The following TNNI3K variants were observed in gnomAD, a reference collection of about 807,000 sequenced individuals.
TNNI3K encodes TNNI3 interacting kinase, also known as serine/threonine-protein kinase TNNI3K.
Under a neutral mutation model 114.5 loss-of-function variants are expected in TNNI3K, and 140 were observed. The observed-to-expected ratio is 1.22, with a 90% CI of 1.07 to 1.41. The LOEUF (loss-of-function observed/expected upper bound fraction) is 1.41, where lower values mean the gene tolerates loss of function less well. Among genes scored for constraint, TNNI3K ranks in the 40% most tolerant of loss-of-function variants. The pLI, the probability that TNNI3K is intolerant of heterozygous loss-of-function variation, is 0.00. For synonymous variants in TNNI3K, 347 were observed against 347.5 expected (o/e 1.00, Z 0.02); for missense variants, 1,125 against 1,007.6 (o/e 1.12, Z -1.58).
chr1:74,501,882 A>G (rs1326591985), intron 23 of TNNI3K, among the ~76,000 whole-genome samples: 1 of 152,108 alleles, frequency 6.6e-6, no homozygotes, highest in Non-Finnish European at 1.5e-5. Context: ...GGTTATATAT[A>G]TATATATACA....
intron 23 of TNNI3K, among the ~76,000 whole-genome samples, chr1:74,523,144 C>G (rs1646457078): frequency 6.6e-6 from 1 of 152,162 alleles, no homozygotes; most frequent in Non-Finnish European, 1.5e-5. Flanking sequence ...GACCAATTTG[C>G]CCTCAGTTTC....
At chr1:74,296,989 G>A (rs1347896070) in intron 5 of TNNI3K, among the ~76,000 whole-genome samples, 1 of 151,982 alleles carries the variant, frequency 6.6e-6, no homozygotes, top group Non-Finnish European at 1.5e-5. Flanking sequence ...AATCCCTCAG[G>A]CATTTCTTCA....
chr1:74,416,607 C>G, intron 17 of TNNI3K: 1 of 951,014 alleles, frequency 1.1e-6, no homozygotes, highest in Non-Finnish European at 1.3e-6. Flanking sequence ...GTTTCCCCTT[C>G]CTCTTCTATT....
At position 74,475,272 on chromosome 1, in the gene TNNI3K, T is replaced by C. The variant is rs45627331; in HGVS notation, c.2121+11722T>C. ...CAAAAAGAATTAAACGGAGTGGGAT[T>C]TTCTAAAACAAGACAAACTCACCTT... On this transcript the variant is annotated intron_variant, in intron 21 of 24. Coordinates refer to ENST00000326637, the MANE Select transcript of TNNI3K (RefSeq NM_015978.3). 2.6e-3 allele frequency: 1,637 copies of C among 625,682 alleles called. 27 individuals carry two copies. The African/African-American group carries it at 0.028, about 11-fold the overall frequency. The allele number at this position is 625,682 out of a possible 1,614,324, so 38.8% of individuals were successfully genotyped here.
intron 5 of TNNI3K, among the ~76,000 whole-genome samples, chr1:74,293,639 G>A (rs1657807235): frequency 6.6e-6 from 1 of 151,394 alleles, no homozygotes; most frequent in Non-Finnish European, 1.5e-5. Context: ...GGAATGATTC[G>A]ATTGCAAATA....
intron 11 of TNNI3K, among the ~76,000 whole-genome samples, chr1:74,355,594 C>T (rs952472805): frequency 1.8e-4 from 27 of 151,150 alleles, no homozygotes; most frequent in African/African-American, 6.4e-4. Context: ...CAGGGCGATA[C>T]TCCGTCTCAA....
chr1:74,428,524 A>G (rs1241102264), intron 17 of TNNI3K, among the ~76,000 whole-genome samples: 2 of 152,112 alleles, frequency 1.3e-5, no homozygotes, highest in Non-Finnish European at 2.9e-5. Context: ...TGATAAAATA[A>G]CGTCTAAAAA....
chr1:74,271,554 T>G, intron 4 of TNNI3K, 44 bp from the exon 5 acceptor site: 1 of 1,533,782 alleles, frequency 6.5e-7, no homozygotes, highest in Non-Finnish European at 8.8e-7. Context: ...CTTTTGAACC[T>G]GTTATTAGCA....
intron 17 of TNNI3K, among the ~76,000 whole-genome samples, chr1:74,427,618 A>G: frequency 1.3e-5 from 2 of 152,210 alleles, no homozygotes; most frequent in South Asian, 2.1e-4. Flanking sequence ...TTTAAATTTA[A>G]AAAAACAAAT....
chr1:74,408,921 G>A lies in TNNI3K; in HGVS notation c.1773-27159G>A, dbSNP rs868431017. Among the ~76,000 whole-genome samples the A allele has an allele frequency of 1.3e-5, 2 of 151,178 alleles. 1 individual carries two copies. The highest frequency in any genetic ancestry group is 2.9e-5 in the Non-Finnish European group (2 of 67,864). On this transcript the variant is annotated intron_variant, in intron 17 of 24. Coordinates refer to ENST00000326637, the MANE Select transcript of TNNI3K (RefSeq NM_015978.3). ...CACACATATGCCTTAATTAGAAAAA[G>A]CTTTGTCTTCATTATGTATAAATGT...
At chr1:74,275,539 G>A (rs1456327997) in intron 5 of TNNI3K, among the ~76,000 whole-genome samples, 1 of 151,984 alleles carries the variant, frequency 6.6e-6, no homozygotes, top group Non-Finnish European at 1.5e-5. Context: ...AGTTAGGGAA[G>A]GAGTTATGAG....
intron 20 of TNNI3K, among the ~76,000 whole-genome samples, chr1:74,441,451 AT>A (rs1320647770): frequency 3.3e-5 from 5 of 152,060 alleles, no homozygotes; most frequent in Non-Finnish European, 5.9e-5. Context: ...AGTTCTTCTC[AT>A]TTTAGGGCTA....
intron 5 of TNNI3K, among the ~76,000 whole-genome samples, chr1:74,291,121 G>A (rs558706758): frequency 6.6e-6 from 1 of 151,654 alleles, no homozygotes; most frequent in Non-Finnish European, 1.5e-5. Flanking sequence ...GAGAACTTCT[G>A]ATTTCATATC....
chr1:74,272,649 A>C (rs1359392008), intron 5 of TNNI3K, among the ~76,000 whole-genome samples: 1 of 151,892 alleles, frequency 6.6e-6, no homozygotes, highest in Admixed American at 6.6e-5. Flanking sequence ...GCCAAATCAC[A>C]CAGTGTTTTA....
intron 23 of TNNI3K, among the ~76,000 whole-genome samples, chr1:74,535,393 G>A (rs1348981881): frequency 2.0e-5 from 3 of 152,132 alleles, no homozygotes; most frequent in African/African-American, 4.8e-5. Context: ...TTGTTTGAGT[G>A]TGGGAGGTGA....
intron 5 of TNNI3K, among the ~76,000 whole-genome samples, chr1:74,307,283 A>G (rs1658701147): frequency 6.6e-6 from 1 of 152,162 alleles, no homozygotes; most frequent in Admixed American, 6.5e-5. Flanking sequence ...TATCAATATT[A>G]ACTTTGAACA....
At chr1:74,327,075 G>A (rs1474056676) in intron 5 of TNNI3K, among the ~76,000 whole-genome samples, 1 of 144,404 alleles carries the variant, frequency 6.9e-6, no homozygotes, top group Admixed American at 7.0e-5. Flanking sequence ...GCAAGACTCC[G>A]TGTCAAAAAA....
intron 4 of TNNI3K, among the ~76,000 whole-genome samples, chr1:74,268,786 C>T (rs1334031514): frequency 6.6e-6 from 1 of 151,750 alleles, no homozygotes; most frequent in Non-Finnish European, 1.5e-5. Flanking sequence ...ATATGCAGCT[C>T]AAATTTAACA....
chr1:74,473,554 A>T (rs796136968), intron 21 of TNNI3K, among the ~76,000 whole-genome samples: 13 of 151,242 alleles, frequency 8.6e-5, no homozygotes, highest in African/African-American at 3.2e-4. Flanking sequence ...CATTTTTAAC[A>T]TTGTTAGGTG....
Sources: gnomAD v4.1 joint callset for allele counts (sites outside exome capture counted in the v4.1 genomes callset) on GRCh38, gnomAD v4.1.1 for gene constraint, MANE v1.5 for transcripts, NCBI Gene and HGNC (gene_info 2026-07-23, HGNC 2026-07-21) for gene names.